Variants in SLC31A1 observed in about 807,000 individuals in gnomAD.
The protein encoded by SLC31A1 is high affinity copper uptake protein 1.
Under a neutral mutation model 17.2 loss-of-function variants are expected in SLC31A1, and 5 were observed. The observed-to-expected ratio is 0.29, with a 90% CI of 0.15 to 0.61. The LOEUF (loss-of-function observed/expected upper bound fraction) is 0.61. Ranked by LOEUF, SLC31A1 falls within the 20% of genes least tolerant of loss-of-function variation. The pLI, the probability that SLC31A1 is intolerant of heterozygous loss-of-function variation, is 0.86. For synonymous variants in SLC31A1, 76 were observed against 78.8 expected, an observed-to-expected ratio of 0.96 and a Z score of 0.19; for missense variants, 161 against 241.4, an observed-to-expected ratio of 0.67 and a Z score of 2.21.
In SLC31A1 at chr9:113,263,100, AGTAAGCCATGATTGCG is replaced by A. The variant is rs1337206930; in HGVS notation, c.*2628_*2643del. On this transcript the variant is annotated 3_prime_UTR_variant, in exon 5 of 5. Transcript: ENST00000374212. ...CTTTAGCCCTGGAGGTCGAGGCTGC[AGTAAGCCATGATTGCG>A]CCACTGCACTCAGCCCGGGTGACAA... The A allele has an allele frequency of 1.3e-5, 2 of 152,296 alleles. No homozygotes were observed. Among genetic ancestry groups the A allele is most frequent in the African/African-American group, 4.8e-5 (2 of 41,462 alleles). 9.4% of individuals were successfully genotyped at this position (152,296 alleles called of 1,614,324 possible).
chr9:113,246,251 C>G (rs1831576803), intron 1 of SLC31A1, among the ~76,000 whole-genome samples: 1 of 152,012 alleles, frequency 6.6e-6, no homozygotes, highest in Non-Finnish European at 1.5e-5. Flanking sequence ...CACCATGTTG[C>G]CCAGCCTGGT....
intron 1 of SLC31A1, among the ~76,000 whole-genome samples, chr9:113,242,479 C>A (rs893167100): frequency 1.3e-5 from 2 of 152,188 alleles, no homozygotes; most frequent in Admixed American, 1.3e-4. Context: ...TGGCACACTG[C>A]AGCTTTGACT....
intron 1 of SLC31A1, among the ~76,000 whole-genome samples, chr9:113,223,994 T>C (rs1831314686): frequency 1.3e-5 from 2 of 152,376 alleles, no homozygotes; most frequent in South Asian, 4.1e-4. Flanking sequence ...AATAGTTATA[T>C]GCATAACATT....
At chr9:113,232,920 G>T (rs1831417042) in intron 1 of SLC31A1, among the ~76,000 whole-genome samples, 1 of 152,146 alleles carries the variant, frequency 6.6e-6, no homozygotes, top group African/African-American at 2.4e-5. Flanking sequence ...AGGATTTGAG[G>T]AATTGCACTT....
At chr9:113,225,497 T>G (rs1013446441) in intron 1 of SLC31A1, among the ~76,000 whole-genome samples, 7 of 152,226 alleles carry the variant, frequency 4.6e-5, no homozygotes, top group Non-Finnish European at 8.8e-5. Flanking sequence ...CATTTTCTAA[T>G]GGCCCCTAGA....
In SLC31A1 at chr9:113,258,542, TCTC is replaced by T; in HGVS notation, c.203-149_203-147del. The T allele has an allele frequency of 2.6e-6, 2 of 777,838 alleles. No homozygotes were observed. The highest frequency in any genetic ancestry group is 4.4e-6 in the Non-Finnish European group (2 of 458,590). The allele number at this position is 777,838 out of a possible 1,614,324, so 48.2% of individuals were successfully genotyped here. On this transcript the variant is annotated intron_variant, in intron 3 of 4. Transcript: ENST00000374212. This position sits in a 1 kb window ranked among gnomAD's most constrained non-coding sequence, Gnocchi z 4.8. The stretch of plus-strand genomic sequence containing the variant: ...TTTTCAGTTACACCATCTTAGCCGT[TCTC>T]CTATCTGAGCAAGAGAAGAGGTAAA...
At chr9:113,253,189 T>C (rs1045462079) in intron 1 of SLC31A1, among the ~76,000 whole-genome samples, 4 of 152,054 alleles carry the variant, frequency 2.6e-5, no homozygotes, top group Non-Finnish European at 5.9e-5. Context: ...TCTCCTAACC[T>C]CGTGATCCGC....
chr9:113,256,670 G>A, intron 2 of SLC31A1: 1 of 281,870 alleles, frequency 3.5e-6, no homozygotes, highest in East Asian at 9.5e-5. Flanking sequence ...GACCATCCTA[G>A]CTAACACGGT....
At chr9:113,259,979 T>G (rs1055271480) in intron 4 of SLC31A1, among the ~76,000 whole-genome samples, 1 of 152,200 alleles carries the variant, frequency 6.6e-6, no homozygotes, top group Non-Finnish European at 1.5e-5. Flanking sequence ...CGGCTTCCCT[T>G]TCAGGATCTA....
chr9:113,242,317 C>T (rs1295677695), intron 1 of SLC31A1, among the ~76,000 whole-genome samples: 1 of 152,160 alleles, frequency 6.6e-6, no homozygotes, highest in Non-Finnish European at 1.5e-5. Context: ...GATGTGTTTC[C>T]TAGGAGTGCT....
At chr9:113,231,502 C>T (rs576540434) in intron 1 of SLC31A1, among the ~76,000 whole-genome samples, 5 of 151,624 alleles carry the variant, frequency 3.3e-5, no homozygotes, top group South Asian at 2.1e-4. Context: ...AGGTGTAGGC[C>T]GCAGTGAGCT....
At position 113,258,770 on chromosome 9, in the gene SLC31A1, G is replaced by T; in HGVS notation, c.279G>T (p.Leu93=). 2 of 1,614,224 alleles carry T rather than the reference G, an allele frequency of 1.2e-6. No individual in the cohort carries two copies. Reference sequence around the variant, plus strand: ...GACTCAAGATAGCCCGAGAGAGCCTGCTGCGTAAGTCACAAGTCAGCATTC... The same window carrying T: ...GACTCAAGATAGCCCGAGAGAGCCTTCTGCGTAAGTCACAAGTCAGCATTC... ...YEGLKIARES[L]LRKSQVSIRY... Residue 93 remains leucine, a synonymous_variant, in exon 4 of 5, where the codon CTG becomes CTT. Transcript: ENST00000374212. This position sits in a 1 kb window ranked among gnomAD's most constrained non-coding sequence, Gnocchi z 4.8.
Position 113,256,193 on chromosome 9 carries a change from C to T in SLC31A1, c.45C>T (p.Asn15=). 1 of 1,613,022 alleles carries T rather than the reference C, an allele frequency of 6.2e-7. No individual in the cohort carries two copies. Residue 15 remains asparagine (N), a synonymous_variant, in exon 2 of 5, where the codon AAC becomes AAT. Coordinates refer to ENST00000374212, the MANE Select transcript of SLC31A1 (RefSeq NM_001859.4). ...TGGGGATGAGCTATATGGACTCCAA[C>T]AGTACCATGCAACCTTCTCACCATC... ...HHMGMSYMDS[N]STMQPSHHHP... is the part of the protein sequence containing the mutation.
At chr9:113,244,498 T>C (rs1831555524) in intron 1 of SLC31A1, among the ~76,000 whole-genome samples, 1 of 152,122 alleles carries the variant, frequency 6.6e-6, no homozygotes, top group Non-Finnish European at 1.5e-5. Flanking sequence ...TCTCCATCTG[T>C]CAGGGTCAGA....
rs1027099340 is a variant in SLC31A1 at position 113,221,675 on chromosome 9, A to G, written c.-39A>G. ...GTGCTAGTGGCTGGACTTGACCTGG[A>G]AAGGTAAGGCTTCTCTCGGCCCCTC... On this transcript the variant is annotated 5_prime_UTR_variant, in exon 1 of 5. Coordinates refer to ENST00000374212, the MANE Select transcript of SLC31A1 (RefSeq NM_001859.4). 6.5e-6 allele frequency: 2 copies of G among 309,598 alleles called. No homozygotes were observed. The highest frequency in any genetic ancestry group is 1.3e-5 in the Non-Finnish European group (2 of 157,548). 19.2% of individuals were successfully genotyped at this position (309,598 alleles called of 1,614,324 possible). A position where few individuals can be genotyped will look rare whatever the true frequency, so the allele number is the denominator to read the frequency against.
At chr9:113,244,824 A>G (rs1831559548) in intron 1 of SLC31A1, among the ~76,000 whole-genome samples, 1 of 152,210 alleles carries the variant, frequency 6.6e-6, no homozygotes. Context: ...TTGTAAGACT[A>G]CAGTTGTAGC....
At chr9:113,234,443 C>A (rs1831433503) in intron 1 of SLC31A1, among the ~76,000 whole-genome samples, 1 of 142,554 alleles carries the variant, frequency 7.0e-6, no homozygotes, top group Admixed American at 7.2e-5. Flanking sequence ...TCCCAAAGTG[C>A]TGGGATTACA....
At chr9:113,242,962 A>G (rs1392435442) in intron 1 of SLC31A1, among the ~76,000 whole-genome samples, 1 of 152,188 alleles carries the variant, frequency 6.6e-6, no homozygotes, top group African/African-American at 2.4e-5. Flanking sequence ...TTCCAAAAGT[A>G]TATGAAGGTA....
At position 113,221,630 on chromosome 9, in the gene SLC31A1, G is replaced by A; in HGVS notation, c.-84G>A. 8.2e-6 allele frequency: 3 copies of A among 364,304 alleles called. No homozygotes were observed. The highest frequency in any genetic ancestry group is 6.7e-5 in the South Asian group (3 of 44,806). The allele number at this position is 364,304 out of a possible 1,614,324, so 22.6% of individuals were successfully genotyped here. A position where few individuals can be genotyped will look rare whatever the true frequency, so the allele number is the denominator to read the frequency against. On this transcript the variant is annotated 5_prime_UTR_variant, in exon 1 of 5. Coordinates refer to ENST00000374212, the MANE Select transcript of SLC31A1 (RefSeq NM_001859.4). ...TCGAAGAGTCGTGAGGGGGTGACGGGTTAAGATTCGGAGAGAGAGGTGCTA... is the reference window on the plus strand; with the variant it reads ...TCGAAGAGTCGTGAGGGGGTGACGGATTAAGATTCGGAGAGAGAGGTGCTA...
Sources: allele counts gnomAD v4.1 joint callset (sites outside exome capture counted in the v4.1 genomes callset), GRCh38; gene constraint gnomAD v4.1.1; non-coding constraint Gnocchi (gnomAD v3.1); transcripts MANE v1.5; gene names NCBI Gene and HGNC (gene_info 2026-07-23, HGNC 2026-07-21).